The following DNAJC1 variants were observed in gnomAD, a reference collection of about 807,000 sequenced individuals.
The protein encoded by DNAJC1 is DnaJ heat shock protein family (Hsp40) member C1.
Under a neutral mutation model 76.6 loss-of-function variants are expected in DNAJC1, and 58 were observed. That is an observed-to-expected ratio of 0.76 (90% confidence interval 0.61 to 0.94). DNAJC1 has a LOEUF of 0.94. Among genes scored for constraint, DNAJC1 ranks in the 40% least tolerant of loss-of-function variants. The pLI, the probability that DNAJC1 is intolerant of heterozygous loss-of-function variation, is 0.00. For missense variants in DNAJC1, 689 were observed against 677.3 expected (o/e 1.02, Z -0.19); for synonymous variants, 258 against 267.9 (o/e 0.96, Z 0.36).
chr10:21,945,340 T>C (rs1210302202), intron 1 of DNAJC1, among the ~76,000 whole-genome samples: 1 of 152,146 alleles, frequency 6.6e-6, no homozygotes, highest in African/African-American at 2.4e-5. Flanking sequence ...TTCAAGAAAT[T>C]TGGCTGTTGA....
In DNAJC1 at chr10:21,879,188, T is replaced by C. The variant is rs193283599; in HGVS notation, c.978+3094A>G. The stretch of plus-strand genomic sequence containing the variant: ...TGAACTTGGCAATGGTTAACTTGCA[T>C]CACCTGTGATAGTTCACTGAGCTGC... On this transcript the variant is annotated intron_variant, in intron 8 of 11. Transcript: ENST00000376980. 5.9e-5 allele frequency among the ~76,000 whole-genome samples: 9 copies of C among 152,298 alleles called. No individual in the cohort carries two copies. The East Asian group carries it at 1.7e-3, about 29-fold the overall frequency.
intron 1 of DNAJC1, among the ~76,000 whole-genome samples, chr10:21,967,071 A>C (rs1271229606): frequency 6.7e-6 from 1 of 148,918 alleles, no homozygotes; most frequent in African/African-American, 2.5e-5. Context: ...ACTGAAATAT[A>C]ATTTACACAC....
At chr10:21,929,551 G>C (rs1009655121) in intron 1 of DNAJC1, among the ~76,000 whole-genome samples, 1 of 152,000 alleles carries the variant, frequency 6.6e-6, no homozygotes, top group East Asian at 1.9e-4. Flanking sequence ...TCTGAATCCC[G>C]GGCTAACCAT....
chr10:21,889,756 T>G (rs2131729641), intron 7 of DNAJC1, among the ~76,000 whole-genome samples: 1 of 152,280 alleles, frequency 6.6e-6, no homozygotes, highest in Middle Eastern at 3.4e-3. Context: ...AACAAAAGCC[T>G]GCTCTCTCTA....
At chr10:21,977,303 T>C (rs1838082490) in intron 1 of DNAJC1, among the ~76,000 whole-genome samples, 1 of 152,130 alleles carries the variant, frequency 6.6e-6, no homozygotes, top group African/African-American at 2.4e-5. Flanking sequence ...AAACTTTTAT[T>C]ATGTAGCTAA....
intron 8 of DNAJC1, among the ~76,000 whole-genome samples, chr10:21,817,223 C>G (rs1439736127): frequency 6.8e-6 from 1 of 147,770 alleles, no homozygotes; most frequent in Non-Finnish European, 1.5e-5. Flanking sequence ...GACCTTCTTT[C>G]AGCACCTACT....
At chr10:21,885,026 T>C (rs1836347108) in intron 7 of DNAJC1, among the ~76,000 whole-genome samples, 1 of 152,012 alleles carries the variant, frequency 6.6e-6, no homozygotes, top group Non-Finnish European at 1.5e-5. Context: ...ATACTAACCC[T>C]GAATGTCAAT....
chr10:21,881,845 A>AAG (rs1491524071), intron 8 of DNAJC1, among the ~76,000 whole-genome samples: 1 of 98,534 alleles, frequency 1.0e-5, no homozygotes, highest in Non-Finnish European at 2.0e-5. Context: ...CTCAATTTGT[A>AAG]AAAAAAAAAA....
At chr10:21,995,855 G>A (rs1239758608) in intron 1 of DNAJC1, among the ~76,000 whole-genome samples, 1 of 152,132 alleles carries the variant, frequency 6.6e-6, no homozygotes, top group Admixed American at 6.5e-5. Context: ...GATGGGAAAT[G>A]AAACATAAAT....
At chr10:21,839,964 T>C (rs548464684) in intron 8 of DNAJC1, among the ~76,000 whole-genome samples, 135 of 152,296 alleles carry the variant, frequency 8.9e-4, no homozygotes, top group Non-Finnish European at 1.7e-3. Flanking sequence ...AATCAATAAA[T>C]GTAATCCAAC....
chr10:21,924,274 T>C (rs1476066570), intron 3 of DNAJC1, among the ~76,000 whole-genome samples: 2 of 152,168 alleles, frequency 1.3e-5, no homozygotes, highest in African/African-American at 2.4e-5. Flanking sequence ...CAATAACTAG[T>C]TAATAAATTT....
chr10:21,847,299 A>T (rs1835675540), intron 8 of DNAJC1, among the ~76,000 whole-genome samples: 1 of 152,084 alleles, frequency 6.6e-6, no homozygotes, highest in Non-Finnish European at 1.5e-5. Context: ...ACTTTCTCCC[A>T]ATTTTCTTCT....
chr10:21,814,036 C>T (rs989407304), intron 8 of DNAJC1, among the ~76,000 whole-genome samples: 1 of 152,170 alleles, frequency 6.6e-6, no homozygotes, highest in Non-Finnish European at 1.5e-5. Flanking sequence ...AAACTCTTTA[C>T]AGTTTTTGAC....
intron 5 of DNAJC1, 29 bp from the exon 6 acceptor site, chr10:21,918,901 T>G: frequency 6.7e-7 from 1 of 1,485,414 alleles, no homozygotes; most frequent in Non-Finnish European, 9.4e-7. Flanking sequence ...AAGAACACCA[T>G]ACAACATATG....
chr10:21,908,606 G>C (rs1836798982), intron 6 of DNAJC1, among the ~76,000 whole-genome samples: 1 of 151,322 alleles, frequency 6.6e-6, no homozygotes, highest in Non-Finnish European at 1.5e-5. Context: ...CAGAAAGTTA[G>C]ATTTCCTGGG....
chr10:21,958,689 G>A (rs1434652979), intron 1 of DNAJC1, among the ~76,000 whole-genome samples: 1 of 152,072 alleles, frequency 6.6e-6, no homozygotes, highest in Non-Finnish European at 1.5e-5. Context: ...GCCTCCCAAA[G>A]TGCTGGGATT....
At chr10:21,847,418 A>C (rs966544005) in intron 8 of DNAJC1, among the ~76,000 whole-genome samples, 1 of 152,162 alleles carries the variant, frequency 6.6e-6, no homozygotes, top group African/African-American at 2.4e-5. Context: ...TCACTTGAAA[A>C]ATTTATCATT....
In DNAJC1 at chr10:21,756,767, A is replaced by G. The variant is rs2131613715; in HGVS notation, c.1597-12T>C. On this transcript the variant is annotated splice_polypyrimidine_tract_variant and intron_variant, in intron 11 of 11. Transcript: ENST00000376980. Reference sequence around the variant, plus strand: ...GCGATACAGTCTTCCTGTAGGAAGAAAAAAAGAGAGGTGAGAACAGTCACT... The same window carrying G: ...GCGATACAGTCTTCCTGTAGGAAGAGAAAAAGAGAGGTGAGAACAGTCACT... 5.6e-6 allele frequency: 9 copies of G among 1,611,960 alleles called. No individual in the cohort carries two copies. The highest frequency in any genetic ancestry group is 7.6e-6 in the Non-Finnish European group (9 of 1,179,702).
At chr10:21,936,257 A>C (rs533109535) in intron 1 of DNAJC1, among the ~76,000 whole-genome samples, 81 of 152,318 alleles carry the variant, frequency 5.3e-4, no homozygotes, top group African/African-American at 1.9e-3. Flanking sequence ...CCAGACAGTG[A>C]ATATGTTGTA....
Sources: gnomAD v4.1 joint callset for allele counts (sites outside exome capture counted in the v4.1 genomes callset) on GRCh38, gnomAD v4.1.1 for gene constraint, MANE v1.5 for transcripts, NCBI Gene and HGNC (gene_info 2026-07-23, HGNC 2026-07-21) for gene names.